QTMAN: variants seen among roughly 807,000 people sequenced by gnomAD.
The protein encoded by QTMAN is queuosine-tRNA mannosyltransferase.
the QTMAN span, among the ~76,000 whole-genome samples, chr2:144,114,585 C>T: frequency 2.0e-5 from 3 of 152,068 alleles, no homozygotes; most frequent in East Asian, 1.9e-4. Context: ...AGAACAAGAG[C>T]GTGTTTTACA....
the QTMAN span, among the ~76,000 whole-genome samples, chr2:144,253,537 T>C: frequency 6.6e-6 from 1 of 152,140 alleles, no homozygotes; most frequent in Non-Finnish European, 1.5e-5. Context: ...CAGGTTGAGG[T>C]GGTCTCAGAT....
chr2:144,124,238 T>C, the QTMAN span, among the ~76,000 whole-genome samples: 5 of 152,250 alleles, frequency 3.3e-5, no homozygotes, highest in East Asian at 3.9e-4. Flanking sequence ...TCATGTAACT[T>C]TGTGGTACAG....
chr2:143,952,367 T>C, the QTMAN span, among the ~76,000 whole-genome samples: 1 of 151,532 alleles, frequency 6.6e-6, no homozygotes, highest in Admixed American at 6.6e-5. Flanking sequence ...GAACTGGTAC[T>C]ATAGCCTTAT....
chr2:144,108,753 G>T, the QTMAN span, among the ~76,000 whole-genome samples: 2 of 150,518 alleles, frequency 1.3e-5, no homozygotes, highest in Admixed American at 6.6e-5. Context: ...TCACAAGCAT[G>T]CTTATACACC....
At chr2:143,959,284 C>CT in the QTMAN span, among the ~76,000 whole-genome samples, 1 of 151,892 alleles carries the variant, frequency 6.6e-6, no homozygotes, top group African/African-American at 2.4e-5. Flanking sequence ...CACCATCAGT[C>CT]TGACATTTTT....
At chr2:144,203,806 G>A in the QTMAN span, among the ~76,000 whole-genome samples, 3 of 152,084 alleles carry the variant, frequency 2.0e-5, no homozygotes, top group Non-Finnish European at 4.4e-5. Flanking sequence ...AATTTACCAT[G>A]TTTTAACTGG....
At chr2:143,991,526 C>A in the QTMAN span, among the ~76,000 whole-genome samples, 1 of 148,290 alleles carries the variant, frequency 6.7e-6, no homozygotes, top group Non-Finnish European at 1.5e-5. Context: ...AGGAGCCCCT[C>A]TGCCCGGCCA....
At chr2:144,076,020 G>A in the QTMAN span, among the ~76,000 whole-genome samples, 5 of 152,138 alleles carry the variant, frequency 3.3e-5, no homozygotes, top group Non-Finnish European at 5.9e-5. Context: ...AGGATGAGGC[G>A]GGTGGATCAC....
At chr2:144,222,302 G>A in the QTMAN span, among the ~76,000 whole-genome samples, 41 of 151,218 alleles carry the variant, frequency 2.7e-4, 1 homozygote, top group African/African-American at 9.0e-4. Flanking sequence ...CTCATGGTCC[G>A]CCTGCCTCGG....
At chr2:143,942,471 T>C in the QTMAN span, 1 of 167,430 alleles carries the variant, frequency 6.0e-6, no homozygotes, top group Admixed American at 6.5e-5. Flanking sequence ...GAGGCAACAC[T>C]ATGGGGAGTG....
the QTMAN span, among the ~76,000 whole-genome samples, chr2:144,019,249 T>C: frequency 2.0e-5 from 3 of 152,164 alleles, no homozygotes. Flanking sequence ...TCCCTTGCCT[T>C]TTCAATTCCT....
chr2:144,037,863 C>T, the QTMAN span, among the ~76,000 whole-genome samples: 1 of 152,114 alleles, frequency 6.6e-6, no homozygotes, highest in Non-Finnish European at 1.5e-5. Flanking sequence ...CATTAAAACT[C>T]TTTTTGCAAT....
At chr2:144,079,587 A>G in the QTMAN span, among the ~76,000 whole-genome samples, 1 of 152,040 alleles carries the variant, frequency 6.6e-6, no homozygotes, top group Non-Finnish European at 1.5e-5. Context: ...TTACACTGTT[A>G]TGGGGTTCAC....
At chr2:144,127,259 CA>C in the QTMAN span, among the ~76,000 whole-genome samples, 1 of 151,870 alleles carries the variant, frequency 6.6e-6, no homozygotes, top group Non-Finnish European at 1.5e-5. Context: ...TGCTGAATAA[CA>C]GCCACTAAAT....
At chr2:144,248,022 C>A in the QTMAN span, among the ~76,000 whole-genome samples, 1 of 152,138 alleles carries the variant, frequency 6.6e-6, no homozygotes, top group African/African-American at 2.4e-5. Flanking sequence ...CCTTTAACAA[C>A]TATTCAAATG....
chr2:144,120,236 T>C, the QTMAN span, among the ~76,000 whole-genome samples: 631 of 152,308 alleles, frequency 4.1e-3, 2 homozygotes, highest in African/African-American at 0.014. Flanking sequence ...ACCTTTTCTA[T>C]CTTCTGACCC....
chr2:144,104,660 C>A, the QTMAN span, among the ~76,000 whole-genome samples: 4 of 152,232 alleles, frequency 2.6e-5, no homozygotes, highest in Admixed American at 6.5e-5. Context: ...CTGCCTGCCT[C>A]TGTAGACTCC....
At chr2:144,260,218 A>T in the QTMAN span, among the ~76,000 whole-genome samples, 1 of 152,024 alleles carries the variant, frequency 6.6e-6, no homozygotes, top group Non-Finnish European at 1.5e-5. Context: ...ATTTTCTTTC[A>T]TTTCTGTTCA....
chr2:144,019,481 T>TGTGTGTGTGTGTGTGTGTGTGC, the QTMAN span, among the ~76,000 whole-genome samples: 1 of 136,296 alleles, frequency 7.3e-6, no homozygotes, highest in South Asian at 2.3e-4. Context: ...TGTGTGTGTG[T>TGTGTGTGTGTGTGTGTGTGTGC]GTATGTAGTT....
Sources: gnomAD v4.1 joint callset for allele counts (sites outside exome capture counted in the v4.1 genomes callset) on GRCh38, gnomAD v4.1.1 for gene constraint, MANE v1.5 for transcripts, NCBI Gene and HGNC (gene_info 2026-07-23, HGNC 2026-07-21) for gene names.